Variants in SNX25 observed in about 807,000 individuals in gnomAD.
SNX25 encodes the protein sorting nexin-25.
Under a neutral mutation model 113.7 loss-of-function variants are expected in SNX25, and 62 were observed. The ratio of observed to expected loss-of-function variants is 0.55; its 90% CI spans 0.44 to 0.67. The LOEUF is 0.67. Among genes scored for constraint, SNX25 ranks in the 30% least tolerant of loss-of-function variants. The pLI, the probability that SNX25 is intolerant of heterozygous loss-of-function variation, is 0.00. For missense variants in SNX25, 1,014 were observed against 1,161.0 expected, an observed-to-expected ratio of 0.87 and a Z score of 1.84; for synonymous variants, 421 against 436.2, an observed-to-expected ratio of 0.97 and a Z score of 0.43.
intron 5 of SNX25, among the ~76,000 whole-genome samples, chr4:185,284,146 T>C (rs1751025771): frequency 6.6e-6 from 1 of 152,212 alleles, no homozygotes; most frequent in African/African-American, 2.4e-5. Context: ...AAGAGACTCT[T>C]GATCTAGTTG....
intron 1 of SNX25, among the ~76,000 whole-genome samples, chr4:185,212,463 ATGTGTGTG>A (rs1553980506): frequency 3.3e-5 from 4 of 119,412 alleles, no homozygotes; most frequent in African/African-American, 6.5e-5. Flanking sequence ...AATTTGTGTG[ATGTGTGTG>A]TGTGTGTGTG....
At chr4:185,335,911 A>G (rs973969916) in intron 10 of SNX25, among the ~76,000 whole-genome samples, 1 of 152,192 alleles carries the variant, frequency 6.6e-6, no homozygotes, top group African/African-American at 2.4e-5. Context: ...TATTGATGTT[A>G]AAATGCAGGA....
At chr4:185,325,708 A>C (rs190568905) in intron 9 of SNX25, among the ~76,000 whole-genome samples, 96 of 152,278 alleles carry the variant, frequency 6.3e-4, no homozygotes, top group Non-Finnish European at 9.8e-4. Flanking sequence ...TTTTAAAGCC[A>C]AGCCCAGCCA....
intron 1 of SNX25, among the ~76,000 whole-genome samples, chr4:185,234,022 T>C (rs1009110957): frequency 6.6e-6 from 1 of 152,050 alleles, no homozygotes; most frequent in African/African-American, 2.4e-5. Context: ...CATGCCCTGC[T>C]GATTTGTTTG....
intron 5 of SNX25, among the ~76,000 whole-genome samples, chr4:185,269,647 G>A (rs913785767): frequency 6.6e-6 from 1 of 152,164 alleles, no homozygotes; most frequent in Non-Finnish European, 1.5e-5. Context: ...TCTATTTTGT[G>A]TGCCAAACTG....
intron 10 of SNX25, among the ~76,000 whole-genome samples, chr4:185,337,334 C>A (rs1024290709): frequency 1.3e-5 from 2 of 151,408 alleles, no homozygotes; most frequent in African/African-American, 4.9e-5. Context: ...TTAGTGGAAT[C>A]ACACAACATT....
intron 1 of SNX25, among the ~76,000 whole-genome samples, chr4:185,221,431 T>C (rs564076581): frequency 2.6e-5 from 4 of 152,250 alleles, no homozygotes; most frequent in African/African-American, 9.6e-5. Flanking sequence ...CACCGTGGCC[T>C]CCCAGAATGT....
intron 1 of SNX25, among the ~76,000 whole-genome samples, chr4:185,221,287 C>A (rs1739799696): frequency 6.6e-6 from 1 of 152,106 alleles, no homozygotes; most frequent in South Asian, 2.1e-4. Flanking sequence ...TCTGCTTTGG[C>A]CTCCCAAAGT....
At chr4:185,353,255 C>T (rs566090020) in intron 14 of SNX25, 28 of 417,276 alleles carry the variant, frequency 6.7e-5, no homozygotes, top group African/African-American at 3.7e-4. Context: ...TATAATACAG[C>T]GACAGATTTT....
At chr4:185,307,364 C>G (rs1228667107) in intron 6 of SNX25, among the ~76,000 whole-genome samples, 1 of 152,184 alleles carries the variant, frequency 6.6e-6, no homozygotes, top group Non-Finnish European at 1.5e-5. Context: ...TGACTCACCT[C>G]CAGAGAGTGT....
chr4:185,234,094 G>A (rs1258741052), intron 1 of SNX25, among the ~76,000 whole-genome samples: 3 of 151,978 alleles, frequency 2.0e-5, no homozygotes, highest in Admixed American at 6.6e-5. Flanking sequence ...TCCTGACCTC[G>A]TGATCTGCCC....
downstream of SNX25, among the ~76,000 whole-genome samples, chr4:185,373,302 CCA>C (rs1387313807): frequency 6.6e-6 from 1 of 152,118 alleles, no homozygotes; most frequent in Non-Finnish European, 1.5e-5. Context: ...AGATCACAGT[CCA>C]GGCAGCTTAT....
At chr4:185,293,716 TA>T in intron 6 of SNX25, among the ~76,000 whole-genome samples, 2 of 146,314 alleles carry the variant, frequency 1.4e-5, no homozygotes, top group South Asian at 4.6e-4. Flanking sequence ...AGGTGATTTT[TA>T]ATTTTTTCTG....
Position 185,362,699 on chromosome 4 carries a change from G to A in SNX25, c.2922G>A (p.Lys974=), listed in dbSNP as rs1390544635. Residue 974 remains lysine (K), a synonymous_variant, in exon 18 of 19, where the codon AAG becomes AAA. Transcript: ENST00000652585. Reference sequence around the variant, plus strand: ...CACTGCAAGAAACAAGAGCCAACAAGCATCTGTTATATGTGAGTAAATTAA... The same window carrying A: ...CACTGCAAGAAACAAGAGCCAACAAACATCTGTTATATGTGAGTAAATTAA... ...FNALQETRAN[K]HLLYALMELL... is the part of the protein sequence containing the mutation. 7 of 1,613,818 alleles carry A rather than the reference G, an allele frequency of 4.3e-6. No individual in the cohort carries two copies. The Admixed American group carries it at 5.0e-5, about 12-fold the overall frequency.
chr4:185,313,106 T>A (rs2095043785), intron 7 of SNX25, among the ~76,000 whole-genome samples: 1 of 152,190 alleles, frequency 6.6e-6, no homozygotes, highest in African/African-American at 2.4e-5. Context: ...GACTTCCAAA[T>A]CAGGTTAATC....
At chr4:185,303,117 C>T (rs554127206) in intron 6 of SNX25, among the ~76,000 whole-genome samples, 2 of 152,158 alleles carry the variant, frequency 1.3e-5, no homozygotes, top group Non-Finnish European at 2.9e-5. Flanking sequence ...CACACAAATC[C>T]GAAACTTGAG....
At chr4:185,331,705 C>T (rs528061244) in intron 9 of SNX25, among the ~76,000 whole-genome samples, 3 of 152,076 alleles carry the variant, frequency 2.0e-5, no homozygotes, top group African/African-American at 7.2e-5. Flanking sequence ...GGCTTTGACC[C>T]GGGAGGCAGA....
downstream of SNX25, chr4:185,370,520 CAG>C (rs2095411212): frequency 2.0e-6 from 2 of 980,304 alleles, no homozygotes; most frequent in Non-Finnish European, 3.0e-6. Context: ...TCTCTGTAGA[CAG>C]AGGTTATCTG....
At position 185,210,619 on chromosome 4, in the gene SNX25, C is replaced by T. The variant is rs1737619658; in HGVS notation, c.429+364C>T. Among the ~76,000 whole-genome samples the T allele has an allele frequency of 1.3e-5, 2 of 151,840 alleles. No homozygotes were observed. The highest frequency in any genetic ancestry group is 2.1e-4 in the South Asian group (1 of 4,816). On this transcript the variant is annotated intron_variant, in intron 1 of 18. Coordinates refer to ENST00000652585, the MANE Select transcript of SNX25 (RefSeq NM_001378034.2). This position sits in a 1 kb window ranked among gnomAD's most constrained non-coding sequence, Gnocchi z 4.4. Reference sequence around the variant, plus strand: ...CAGCGTTCGCTACGTGCAGGCTCTGCGCACGGTCCTGGCGATCCGCTTGGT... The same window carrying T: ...CAGCGTTCGCTACGTGCAGGCTCTGTGCACGGTCCTGGCGATCCGCTTGGT...
Sources: gnomAD v4.1 joint callset for allele counts (sites outside exome capture counted in the v4.1 genomes callset) on GRCh38, gnomAD v4.1.1 for gene constraint, Gnocchi (gnomAD v3.1) non-coding constraint, MANE v1.5 for transcripts, NCBI Gene and HGNC (gene_info 2026-07-23, HGNC 2026-07-21) for gene names.